Variants in GANC observed in about 807,000 individuals in gnomAD.
GANC encodes neutral alpha-glucosidase C.
Under a neutral mutation model 124.2 loss-of-function variants are expected in GANC, and 117 were observed. That is an observed-to-expected ratio of 0.94 (90% CI 0.81 to 1.10). The LOEUF is 1.10. Among genes scored for constraint, GANC ranks in the 50% least tolerant of loss-of-function variants. The pLI, the probability that GANC is intolerant of heterozygous loss-of-function variation, is 0.00. For missense variants in GANC, 1,140 were observed against 1,095.0 expected (o/e 1.04, Z -0.58); for synonymous variants, 377 against 376.8 (o/e 1.00, Z -0.01).
chr15:42,289,595 G>C (rs150307763), intron 4 of GANC, among the ~76,000 whole-genome samples: 75 of 152,174 alleles, frequency 4.9e-4, no homozygotes, highest in African/African-American at 1.8e-3. Context: ...AGCCTTGGTT[G>C]ATAAAGTAGT....
chr15:42,345,930 C>T (rs1310069016), intron 20 of GANC, 98 bp downstream of exon 20: 7 of 806,318 alleles, frequency 8.7e-6, no homozygotes, highest in African/African-American at 5.2e-5. Context: ...TTTTACCCAA[C>T]AGAAACTTAT....
Position 42,326,301 on chromosome 15 carries a change from G to A in GANC, c.1297G>A (p.Val433Met), listed in dbSNP as rs1376856832. ...CCAAACCTTCATGTCCTGACAGCTT[G>A]TGGTCATCAGTGATCCCCACATCAA... is the stretch of plus-strand genomic sequence containing the variant. ...ELLRSKKRKL[V>M]VISDPHIKID... The change falls in exon 12 of 24, where the codon GTG (valine) becomes ATG (methionine). Residue 433 changes from valine to methionine, a missense_variant. Coordinates refer to ENST00000318010, the MANE Select transcript of GANC (RefSeq NM_198141.3). 1.9e-6 allele frequency: 3 copies of A among 1,607,908 alleles called. No homozygotes were observed. The highest frequency in any genetic ancestry group is 1.6e-4 in the Middle Eastern group (1 of 6,074).
intron 20 of GANC, among the ~76,000 whole-genome samples, chr15:42,346,569 C>G (rs2052365910): frequency 6.6e-6 from 1 of 152,182 alleles, no homozygotes; most frequent in Non-Finnish European, 1.5e-5. Context: ...CACATCTACT[C>G]TGATTTCACA....
chr15:42,285,836 T>C (rs1595763773), intron 3 of GANC, among the ~76,000 whole-genome samples: 1 of 152,274 alleles, frequency 6.6e-6, no homozygotes, highest in Non-Finnish European at 1.5e-5. Flanking sequence ...TAAATATTGC[T>C]AAATTTCAGA....
intron 6 of GANC, among the ~76,000 whole-genome samples, chr15:42,301,036 G>T (rs1289947110): frequency 2.0e-5 from 3 of 148,036 alleles, no homozygotes; most frequent in African/African-American, 7.4e-5. Context: ...AAAAAAGAAA[G>T]AAAGAAAGAA....
At chr15:42,304,339 T>A (rs2051973849) in intron 6 of GANC, among the ~76,000 whole-genome samples, 1 of 152,196 alleles carries the variant, frequency 6.6e-6, no homozygotes, top group South Asian at 2.1e-4. Context: ...CCAGAATCTC[T>A]GGGACACAGC....
At chr15:42,327,630 A>T (rs1446227891) in intron 13 of GANC, 188 bp downstream of exon 13, 1 of 519,234 alleles carries the variant, frequency 1.9e-6, no homozygotes, top group Non-Finnish European at 3.4e-6. Context: ...TGCATAAGCA[A>T]ATGCACAAAA....
At position 42,274,429 on chromosome 15, in the gene GANC, GC is replaced by G; in HGVS notation, c.-50del. ...ACCCAATCGGCTTTTTTAAAAGATCGCCCAGGGCCCTTGTCCTGAGAGCTGG... is the reference window on the plus strand; with the variant it reads ...ACCCAATCGGCTTTTTTAAAAGATCGCCAGGGCCCTTGTCCTGAGAGCTGG... On this transcript the variant is annotated 5_prime_UTR_variant, in exon 1 of 24. It introduces an in-frame stop codon into an upstream open reading frame of the 5' UTR. Transcript: ENST00000318010. 9 of 1,589,148 alleles carry G rather than the reference GC, an allele frequency of 5.7e-6. No individual in the cohort carries two copies. The highest frequency in any genetic ancestry group is 7.7e-6 in the Non-Finnish European group (9 of 1,167,270).
intron 19 of GANC, among the ~76,000 whole-genome samples, chr15:42,345,343 T>G (rs1416978764): frequency 2.6e-5 from 4 of 152,192 alleles, no homozygotes; most frequent in Non-Finnish European, 2.9e-5. Flanking sequence ...TGTGCTTGTC[T>G]TCTTTGTTGT....
rs544464755 is a variant in GANC, at chr15:42,352,876, C to T, written c.*737C>T. The T allele has an allele frequency of 1.2e-4, 61 of 488,440 alleles. No individual in the cohort carries two copies. The highest frequency in any genetic ancestry group is 1.5e-4 in the Non-Finnish European group (56 of 375,782). The allele number at this position is 488,440 out of a possible 1,614,324, so 30.3% of individuals were successfully genotyped here. ...AAATACCCATGTACCCACCACTGGA[C>T]TTCAGAAGTAGAACTCATGACTGGG... On this transcript the variant is annotated 3_prime_UTR_variant, in exon 24 of 24. Coordinates refer to ENST00000318010, the MANE Select transcript of GANC (RefSeq NM_198141.3).
intron 3 of GANC, 58 bp downstream of exon 3, chr15:42,278,648 A>G (rs1193397737): frequency 8.1e-7 from 1 of 1,241,420 alleles, no homozygotes; most frequent in Non-Finnish European, 1.2e-6. Flanking sequence ...TTGGGCCTGA[A>G]TGAAGTAAAT....
chr15:42,343,353 G>A (rs1289065604), intron 19 of GANC, 199 bp downstream of exon 19: 1 of 560,782 alleles, frequency 1.8e-6, no homozygotes, highest in Admixed American at 3.1e-5. Flanking sequence ...AAGATGAATT[G>A]GTGAGGATTC....
chr15:42,300,930 A>G (rs2051939236), intron 6 of GANC, among the ~76,000 whole-genome samples: 1 of 152,030 alleles, frequency 6.6e-6, no homozygotes, highest in Non-Finnish European at 1.5e-5. Flanking sequence ...AAGCAGGAGA[A>G]TCACATGAAC....
intron 15 of GANC, among the ~76,000 whole-genome samples, chr15:42,334,257 G>A (rs1262991091): frequency 6.6e-6 from 1 of 151,620 alleles, no homozygotes; most frequent in East Asian, 1.9e-4. Context: ...CACCTCCCGG[G>A]TTCAAGTGAT....
chr15:42,348,253 C>A, intron 21 of GANC, 37 bp downstream of exon 21: 1 of 1,340,906 alleles, frequency 7.5e-7, no homozygotes. Flanking sequence ...TGTTTCTACT[C>A]TTTCTTTACA....
At chr15:42,327,995 A>C (rs376115335) in intron 13 of GANC, among the ~76,000 whole-genome samples, 10 of 152,202 alleles carry the variant, frequency 6.6e-5, no homozygotes, top group Non-Finnish European at 1.3e-4. Flanking sequence ...GGATGACTTC[A>C]TGTGCATCAT....
chr15:42,345,306 C>G (rs1486097394), intron 19 of GANC, among the ~76,000 whole-genome samples: 1 of 150,648 alleles, frequency 6.6e-6, no homozygotes. Flanking sequence ...TTTTCTCCTG[C>G]CTCTTTTGTA....
chr15:42,333,101 G>A (rs372662306), intron 15 of GANC, among the ~76,000 whole-genome samples: 2 of 151,394 alleles, frequency 1.3e-5, no homozygotes, highest in South Asian at 2.1e-4. Context: ...AGGCAGGTGG[G>A]CAGATCACTT....
intron 10 of GANC, among the ~76,000 whole-genome samples, chr15:42,311,273 C>G (rs2052047146): frequency 1.3e-5 from 2 of 152,006 alleles, no homozygotes; most frequent in Non-Finnish European, 2.9e-5. Context: ...CACTATTATT[C>G]AACATTGTAC....
Sources: allele counts gnomAD v4.1 joint callset (sites outside exome capture counted in the v4.1 genomes callset), GRCh38; gene constraint gnomAD v4.1.1; transcripts MANE v1.5; gene names NCBI Gene and HGNC (gene_info 2026-07-23, HGNC 2026-07-21).